Variants in SEMA4F observed in about 807,000 individuals in gnomAD.
The protein encoded by SEMA4F is semaphorin-4F.
Under a neutral mutation model 78.4 loss-of-function variants are expected in SEMA4F, and 51 were observed. The observed-to-expected ratio is 0.65, with a 90% CI of 0.52 to 0.82. The LOEUF is 0.82. Ranked by LOEUF, SEMA4F falls within the 40% of genes least tolerant of loss-of-function variation. SEMA4F has a pLI of 0.00. For missense variants in SEMA4F, 938 were observed against 1,014.4 expected, an observed-to-expected ratio of 0.92 and a Z score of 1.02; for synonymous variants, 418 against 408.7, an observed-to-expected ratio of 1.02 and a Z score of -0.27.
At position 74,657,837 on chromosome 2, in the gene SEMA4F, C is replaced by T. The variant is rs199893721; in HGVS notation, c.358-16C>T. On this transcript the variant is annotated splice_polypyrimidine_tract_variant and intron_variant, in intron 3 of 13. Transcript: ENST00000357877. ...CCTGCTGCTTCTGATTCTTTCTAAC[C>T]GTCTCTGACCCCCAGGACGAATGTC... The T allele has an allele frequency of 4.3e-5, 70 of 1,609,360 alleles. 1 individual carries two copies. The Middle Eastern group carries it at 1.3e-3, about 30-fold the overall frequency.
chr2:74,657,798 T>C, intron 3 of SEMA4F, 55 bp from the exon 4 acceptor site: 1 of 1,534,756 alleles, frequency 6.5e-7, no homozygotes, highest in Non-Finnish European at 9.0e-7. Context: ...GACGTTACCT[T>C]ACCCTTCCTC....
At chr2:74,670,634 G>C (rs141714638) in intron 5 of SEMA4F, among the ~76,000 whole-genome samples, 53 of 152,344 alleles carry the variant, frequency 3.5e-4, no homozygotes, top group African/African-American at 1.2e-3. Context: ...CCCAGCGTCT[G>C]CTTTACCACA....
chr2:74,659,546 C>T (rs1341502988), intron 4 of SEMA4F, among the ~76,000 whole-genome samples: 3 of 152,164 alleles, frequency 2.0e-5, no homozygotes, highest in African/African-American at 7.2e-5. Context: ...TTTTCCTGAA[C>T]TCTCCTGTCT....
At position 74,654,532 on chromosome 2, in the gene SEMA4F, G is replaced by A; in HGVS notation, c.145+11G>A. The stretch of plus-strand genomic sequence containing the variant: ...CGCTTCCAATCTCTGGTAAGGCGCG[G>A]ACGCCCACGCCCTCAGCCCTTCGCG... On this transcript the variant is annotated intron_variant, in intron 1 of 13. Transcript: ENST00000357877. 1 of 1,546,228 alleles carries A rather than the reference G, an allele frequency of 6.5e-7. No homozygotes were observed.
chr2:74,686,260 C>T (rs10184561), downstream of SEMA4F, among the ~76,000 whole-genome samples: 53 of 152,192 alleles, frequency 3.5e-4, no homozygotes, highest in African/African-American at 1.1e-3. Flanking sequence ...CCACCACGCC[C>T]GGCTAATTTT....
In SEMA4F at chr2:74,679,784, T is replaced by C; in HGVS notation, c.1888T>C (p.Cys630Arg). The change falls in exon 14 of 14, where the codon TGT (cysteine) becomes CGT (arginine). Residue 630 changes from cysteine to arginine, a missense_variant. By Grantham distance (180) the Cys-to-Arg change is radical. Coordinates refer to ENST00000357877, the MANE Select transcript of SEMA4F (RefSeq NM_004263.5). ...PGAMGAYACE[C>R]QEGGAAHVVA... is the part of the protein sequence containing the mutation. The stretch of plus-strand genomic sequence containing the variant: ...GGCCATGGGCGCTTATGCCTGTGAA[T>C]GTCAGGAGGGTGGGGCAGCCCATGT... 6.2e-7 allele frequency: 1 copy of C among 1,614,152 alleles called. No individual in the cohort carries two copies. The highest frequency in any genetic ancestry group is 8.5e-7 in the Non-Finnish European group (1 of 1,180,022).
At chr2:74,700,006 G>A in the SEMA4F span, among the ~76,000 whole-genome samples, 3 of 152,104 alleles carry the variant, frequency 2.0e-5, no homozygotes, top group South Asian at 2.1e-4. Context: ...CAATGCTAAT[G>A]GAAAGAGCCA....
chr2:74,654,536 C>T lies in SEMA4F; in HGVS notation c.145+15C>T. 1 of 1,540,108 alleles carries T rather than the reference C, an allele frequency of 6.5e-7. No individual in the cohort carries two copies. The highest frequency in any genetic ancestry group is 1.2e-5 in the South Asian group (1 of 82,156). ...TCCAATCTCTGGTAAGGCGCGGACGCCCACGCCCTCAGCCCTTCGCGCCCA... is the reference window on the plus strand; with the variant it reads ...TCCAATCTCTGGTAAGGCGCGGACGTCCACGCCCTCAGCCCTTCGCGCCCA... On this transcript the variant is annotated intron_variant, in intron 1 of 13. Coordinates refer to ENST00000357877, the MANE Select transcript of SEMA4F (RefSeq NM_004263.5).
chr2:74,672,671 C>G (rs928637165), intron 5 of SEMA4F, among the ~76,000 whole-genome samples: 8 of 152,130 alleles, frequency 5.3e-5, no homozygotes, highest in Admixed American at 2.0e-4. Flanking sequence ...GCTGAACCCC[C>G]CTTCCTTCTC....
the SEMA4F span, among the ~76,000 whole-genome samples, chr2:74,708,842 T>C: frequency 6.6e-6 from 1 of 152,180 alleles, no homozygotes; most frequent in Non-Finnish European, 1.5e-5. Context: ...AAAAATAGAA[T>C]GTCTCAGCAG....
chr2:74,688,689 A>C (rs1008330334), downstream of SEMA4F, among the ~76,000 whole-genome samples: 16 of 152,214 alleles, frequency 1.1e-4, no homozygotes, highest in Non-Finnish European at 2.2e-4. Flanking sequence ...ACACTGGGAA[A>C]ATTTACTCCA....
Position 74,675,133 on chromosome 2 carries a change from C to A in SEMA4F, c.1150-29C>A, listed in dbSNP as rs572670665. ...ACTGGCATGTCCTGTTCCTGGGAAACTTTGTCACCAGCCCTGTATTTCCTC... is the reference window on the plus strand; with the variant it reads ...ACTGGCATGTCCTGTTCCTGGGAAAATTTGTCACCAGCCCTGTATTTCCTC... On this transcript the variant is annotated intron_variant, in intron 9 of 13. Transcript: ENST00000357877. 3 of 1,613,886 alleles carry A rather than the reference C, an allele frequency of 1.9e-6. No homozygotes were observed. The South Asian group carries it at 3.3e-5, about 18-fold the overall frequency.
At chr2:74,670,976 G>A (rs560190988) in intron 5 of SEMA4F, among the ~76,000 whole-genome samples, 19 of 151,576 alleles carry the variant, frequency 1.3e-4, no homozygotes, top group Non-Finnish European at 2.2e-4. Context: ...CCATGTGCCA[G>A]GCCTTAGCTA....
chr2:74,655,314 T>A, intron 1 of SEMA4F: 1 of 404,014 alleles, frequency 2.5e-6, no homozygotes, highest in Non-Finnish European at 5.1e-6. Flanking sequence ...TTTGAAAAGA[T>A]GTGGAAGAAG....
chr2:74,657,431 G>C (rs1684212252), intron 2 of SEMA4F, 134 bp from the exon 3 acceptor site: 1 of 698,358 alleles, frequency 1.4e-6, no homozygotes, highest in Admixed American at 2.7e-5. Flanking sequence ...ACCTCCATTT[G>C]AAAAACAATG....
chr2:74,671,050 A>T (rs921219345), intron 5 of SEMA4F, among the ~76,000 whole-genome samples: 1 of 152,154 alleles, frequency 6.6e-6, no homozygotes, highest in African/African-American at 2.4e-5. Context: ...CATTATCTCT[A>T]TTCTGCATTT....
At chr2:74,663,419 T>C (rs1014477750) in intron 5 of SEMA4F, among the ~76,000 whole-genome samples, 24 of 152,358 alleles carry the variant, frequency 1.6e-4, no homozygotes, top group African/African-American at 5.8e-4. Context: ...ATTGCTAATA[T>C]TTTAGGATAT....
At chr2:74,665,938 C>T (rs1290050650) in intron 5 of SEMA4F, among the ~76,000 whole-genome samples, 1 of 148,780 alleles carries the variant, frequency 6.7e-6, no homozygotes, top group Admixed American at 6.7e-5. Context: ...GACGGAGTCT[C>T]GCTCTGTCGC....
At chr2:74,657,791 G>A (rs532342398) in intron 3 of SEMA4F, 62 bp from the exon 4 acceptor site, 12 of 1,515,704 alleles carry the variant, frequency 7.9e-6, no homozygotes, top group African/African-American at 2.7e-5. Context: ...CTGTCCTGAC[G>A]TTACCTTACC....
Sources: allele counts gnomAD v4.1 joint callset (sites outside exome capture counted in the v4.1 genomes callset), GRCh38; gene constraint gnomAD v4.1.1; transcripts MANE v1.5; gene names NCBI Gene and HGNC (gene_info 2026-07-23, HGNC 2026-07-21).